Variants in MYO3B observed in about 807,000 individuals in gnomAD.
The protein encoded by MYO3B is myosin-IIIb.
MYO3B carries 156 observed loss-of-function variants against 174.6 expected under a neutral mutation model. That is an observed-to-expected ratio of 0.89 (90% CI 0.78 to 1.02). The LOEUF (loss-of-function observed/expected upper bound fraction) is 1.02, where lower values mean the gene tolerates loss of function less well. MYO3B is among the 50% of genes least tolerant of loss of function. The pLI, the probability that MYO3B is intolerant of heterozygous loss-of-function variation, is 0.00. For missense variants in MYO3B, 1,632 were observed against 1,639.4 expected (o/e 1.00, Z 0.08); for synonymous variants, 563 against 569.1 (o/e 0.99, Z 0.15).
chr2:170,209,707 T>C (rs551574899), intron 3 of MYO3B, among the ~76,000 whole-genome samples: 43 of 152,338 alleles, frequency 2.8e-4, no homozygotes, highest in African/African-American at 1.0e-3. Flanking sequence ...CAAAGAAGTT[T>C]GGTTATCTCT....
chr2:170,371,239 A>T (rs1467024158), intron 9 of MYO3B, among the ~76,000 whole-genome samples: 1 of 144,558 alleles, frequency 6.9e-6, no homozygotes, highest in Non-Finnish European at 1.5e-5. Flanking sequence ...AAAAAAAAAA[A>T]ACCAAAACCT....
chr2:170,351,522 C>G (rs1367480588), intron 8 of MYO3B, among the ~76,000 whole-genome samples: 1 of 152,050 alleles, frequency 6.6e-6, no homozygotes, highest in Non-Finnish European at 1.5e-5. Context: ...CCAATAAGAC[C>G]ATGGGACAGC....
chr2:170,254,993 C>A (rs139663307), intron 7 of MYO3B, among the ~76,000 whole-genome samples: 6 of 152,292 alleles, frequency 3.9e-5, no homozygotes, highest in African/African-American at 1.4e-4. Flanking sequence ...CTGGGCAGAC[C>A]CCATAGTCCT....
intron 32 of MYO3B, among the ~76,000 whole-genome samples, chr2:170,582,404 G>T (rs1319306383): frequency 6.6e-6 from 1 of 152,200 alleles, no homozygotes; most frequent in Non-Finnish European, 1.5e-5. Context: ...CAGGGAAGAT[G>T]ACCTCACTGC....
At chr2:170,232,970 T>G (rs542533136) in intron 6 of MYO3B, among the ~76,000 whole-genome samples, 3 of 152,348 alleles carry the variant, frequency 2.0e-5, no homozygotes, top group Non-Finnish European at 4.4e-5. Flanking sequence ...TAAAGAGAAG[T>G]TGAAACCAGA....
chr2:170,369,960 T>A (rs549507587), intron 9 of MYO3B, among the ~76,000 whole-genome samples: 119 of 152,354 alleles, frequency 7.8e-4, no homozygotes, highest in African/African-American at 2.5e-3. Flanking sequence ...CAACTGTGAT[T>A]CCTACCCTAC....
chr2:170,184,546 C>T (rs1049341306), intron 1 of MYO3B, among the ~76,000 whole-genome samples: 1 of 152,082 alleles, frequency 6.6e-6, no homozygotes, highest in South Asian at 2.1e-4. Context: ...GAATAATATT[C>T]CATTGTATAT....
intron 3 of MYO3B, among the ~76,000 whole-genome samples, chr2:170,203,508 A>C (rs868412958): frequency 3.5e-4 from 7 of 19,784 alleles, no homozygotes; most frequent in East Asian, 3.6e-3. Context: ...CGGGGGGGGG[A>C]GGGAGGGAGG....
At chr2:170,435,113 A>G (rs1050809215) in intron 22 of MYO3B, among the ~76,000 whole-genome samples, 1 of 152,220 alleles carries the variant, frequency 6.6e-6, no homozygotes, top group African/African-American at 2.4e-5. Flanking sequence ...TTGCTCCCAA[A>G]CATTACCAGC....
At chr2:170,340,929 C>CT (rs1436954619) in intron 8 of MYO3B, among the ~76,000 whole-genome samples, 2 of 152,064 alleles carry the variant, frequency 1.3e-5, no homozygotes, top group African/African-American at 4.8e-5. Flanking sequence ...ACTGGTGTGT[C>CT]TATTTCTCAT....
chr2:170,423,270 ACCGTGC>A (rs2094632587), intron 22 of MYO3B, among the ~76,000 whole-genome samples: 1 of 152,142 alleles, frequency 6.6e-6, no homozygotes, highest in Admixed American at 6.5e-5. Context: ...GGTGTGAGCC[ACCGTGC>A]CCAGCCTAAT....
intron 25 of MYO3B, among the ~76,000 whole-genome samples, chr2:170,472,748 CTGGAATGCAG>C (rs1310800692): frequency 6.6e-6 from 1 of 151,826 alleles, no homozygotes; most frequent in Non-Finnish European, 1.5e-5. Flanking sequence ...GTCACCCAGG[CTGGAATGCAG>C]TGGCACAATG....
intron 25 of MYO3B, among the ~76,000 whole-genome samples, chr2:170,476,406 A>G (rs1685324557): frequency 6.6e-6 from 1 of 152,138 alleles, no homozygotes; most frequent in South Asian, 2.1e-4. Flanking sequence ...CTTGCGCCCC[A>G]GAAGAATCAG....
At chr2:170,545,161 T>C (rs1690397967) in intron 32 of MYO3B, among the ~76,000 whole-genome samples, 1 of 152,256 alleles carries the variant, frequency 6.6e-6, no homozygotes, top group South Asian at 2.1e-4. Flanking sequence ...TTTAAATAGA[T>C]GTAATTCCTA....
At chr2:170,180,591 A>G (rs1296439076) in intron 1 of MYO3B, among the ~76,000 whole-genome samples, 1 of 152,108 alleles carries the variant, frequency 6.6e-6, no homozygotes, top group East Asian at 1.9e-4. Flanking sequence ...TGTTTTTTTA[A>G]AAAATATTTA....
chr2:170,316,541 G>A (rs777808455), intron 7 of MYO3B, among the ~76,000 whole-genome samples: 1 of 152,186 alleles, frequency 6.6e-6, no homozygotes, highest in African/African-American at 2.4e-5. Context: ...ACCTATGGAG[G>A]ATGCCATGCC....
At chr2:170,524,608 C>G (rs139623717) in intron 30 of MYO3B, 3 of 382,464 alleles carry the variant, frequency 7.8e-6, no homozygotes, top group Non-Finnish European at 1.6e-5. Flanking sequence ...CTCAGCCTCC[C>G]GAGTAGCTGG....
intron 32 of MYO3B, among the ~76,000 whole-genome samples, chr2:170,646,319 G>T (rs1005785447): frequency 1.3e-5 from 2 of 151,684 alleles, no homozygotes; most frequent in Admixed American, 6.6e-5. Flanking sequence ...TACAAATTGG[G>T]TTTTTTTTCT....
chr2:170,546,842 C>A (rs1690525584), intron 32 of MYO3B, among the ~76,000 whole-genome samples: 2 of 152,154 alleles, frequency 1.3e-5, no homozygotes, highest in Non-Finnish European at 2.9e-5. Flanking sequence ...ACACTAACAT[C>A]CAGAAGGTTT....
Sources: allele counts gnomAD v4.1 joint callset (sites outside exome capture counted in the v4.1 genomes callset), GRCh38; gene constraint gnomAD v4.1.1; transcripts MANE v1.5; gene names NCBI Gene and HGNC (gene_info 2026-07-23, HGNC 2026-07-21).